PEAR1: variants seen among roughly 807,000 people sequenced by gnomAD.
PEAR1 encodes multiple EGF-like domains protein 12.
In PEAR1, 113 loss-of-function variants were observed where a neutral mutation model predicts 131.2. The observed-to-expected ratio is 0.86, with a 90% CI of 0.74 to 1.01. PEAR1 has a LOEUF of 1.01. PEAR1 is among the 50% of genes least tolerant of loss of function. PEAR1 has a pLI of 0.00. For synonymous variants in PEAR1, 565 were observed against 523.3 expected, an observed-to-expected ratio of 1.08 and a Z score of -1.09; for missense variants, 1,408 against 1,391.1, an observed-to-expected ratio of 1.01 and a Z score of -0.19.
Position 156,901,857 on chromosome 1 carries a change from T to C in PEAR1, c.-9-2061T>C, listed in dbSNP as rs180861361. Among the ~76,000 whole-genome samples, 115 of 133,268 alleles carry C rather than the reference T, an allele frequency of 8.6e-4. No individual in the cohort carries two copies. In the East Asian group the frequency reaches 0.029, roughly 34 times the overall value. The allele number at this position is 133,268 out of a possible 152,430, so 87.4% of individuals were successfully genotyped here. Reference sequence around the variant, plus strand: ...GGAGTGGGCATTGGGCCTGGGAAGATGGCTGGAGCAGGGCAGGGTGGGAGG... The same window carrying C: ...GGAGTGGGCATTGGGCCTGGGAAGACGGCTGGAGCAGGGCAGGGTGGGAGG... On this transcript the variant is annotated intron_variant, in intron 1 of 22. Transcript: ENST00000292357.
chr1:156,898,193 G>A (rs1022850851), intron 1 of PEAR1, among the ~76,000 whole-genome samples: 2 of 152,274 alleles, frequency 1.3e-5, no homozygotes, highest in South Asian at 2.1e-4. Context: ...CCAGGGTGGC[G>A]GCGAGGGTTG....
At chr1:156,909,110 G>C in intron 11 of PEAR1, 74 bp downstream of exon 11, 1 of 1,592,916 alleles carries the variant, frequency 6.3e-7, no homozygotes, top group Non-Finnish European at 8.5e-7. Flanking sequence ...CAAGAGTATG[G>C]GTGGGCCAAG....
Position 156,905,420 on chromosome 1 carries a change from T to C in PEAR1, c.303T>C (p.Cys101=). The C allele has an allele frequency of 6.2e-7, 1 of 1,602,170 alleles. No homozygotes were observed. The highest frequency in any genetic ancestry group is 8.5e-7 in the Non-Finnish European group (1 of 1,174,420). The change falls in exon 4 of 23, where the codon TGT becomes TGC. Residue 101 remains cysteine (C), a synonymous_variant. Coordinates refer to ENST00000292357, the MANE Select transcript of PEAR1 (RefSeq NM_001080471.3). ...CHGFYESRGF[C]VPLCAQECVH... ...GCTTCTATGAGAGCAGGGGGTTCTGTGTCCGTGAGTCCAGGGTTGGGTTAG... is the reference window on the plus strand; with the variant it reads ...GCTTCTATGAGAGCAGGGGGTTCTGCGTCCGTGAGTCCAGGGTTGGGTTAG...
chr1:156,914,569 GGA>G, intron 22 of PEAR1, 76 bp from the exon 23 acceptor site: 3 of 1,416,236 alleles, frequency 2.1e-6, no homozygotes, highest in Middle Eastern at 1.8e-4. Flanking sequence ...GAAGAGGAGA[GGA>G]GTGCAGTGGG....
rs1165512940 is a variant in PEAR1 at position 156,908,453 on chromosome 1, G to T, written c.1115+113G>T. On this transcript the variant is annotated intron_variant, in intron 9 of 22. Transcript: ENST00000292357. This position sits in a 1 kb window ranked among gnomAD's most constrained non-coding sequence, Gnocchi z 4.2. ...CAAGGGGGACAGGTGTCACAGAAGG[G>T]GAAAGGGAGGGACCTCAGGGGCCGG... 1 of 1,322,194 alleles carries T rather than the reference G, an allele frequency of 7.6e-7. No individual in the cohort carries two copies. The allele number at this position is 1,322,194 out of a possible 1,614,324, so 81.9% of individuals were successfully genotyped here.
At chr1:156,901,699 A>T (rs1649696702) in intron 1 of PEAR1, among the ~76,000 whole-genome samples, 1 of 152,154 alleles carries the variant, frequency 6.6e-6, no homozygotes, top group Non-Finnish European at 1.5e-5. Flanking sequence ...GTCAGGGAAG[A>T]GGGGAGTGTG....
rs755671350 is a variant in PEAR1 at position 156,904,919 on chromosome 1, C to T, written c.206+67C>T. 4.6e-5 allele frequency: 73 copies of T among 1,602,846 alleles called. 1 individual carries two copies. The highest frequency in any genetic ancestry group is 1.9e-4 in the Admixed American group (11 of 58,158). ...GTCGCTGCCTCAGCCTGGCCCCTGGCCCTCTGTACCTGTTCACTTCTCAGA... is the reference window on the plus strand; with the variant it reads ...GTCGCTGCCTCAGCCTGGCCCCTGGTCCTCTGTACCTGTTCACTTCTCAGA... On this transcript the variant is annotated intron_variant, in intron 3 of 22. Transcript: ENST00000292357.
chr1:156,912,394 C>A lies in PEAR1; in HGVS notation c.2080+19C>A. 6.2e-7 allele frequency: 1 copy of A among 1,608,674 alleles called. No homozygotes were observed. Among genetic ancestry groups the A allele is most frequent in the Non-Finnish European group, 8.5e-7 (1 of 1,177,688 alleles). The stretch of plus-strand genomic sequence containing the variant: ...TTAGAAGGTACCAACAGAAGGGGAA[C>A]TCCAGGCCCCTGCCTCCAACTTAAC... On this transcript the variant is annotated intron_variant, in intron 16 of 22. Coordinates refer to ENST00000292357, the MANE Select transcript of PEAR1 (RefSeq NM_001080471.3).
intron 1 of PEAR1, among the ~76,000 whole-genome samples, chr1:156,897,974 C>T (rs1342972214): frequency 2.0e-5 from 3 of 152,144 alleles, no homozygotes; most frequent in Admixed American, 6.5e-5. Context: ...AAGGTAATCT[C>T]GGGGTGGCGA....
In PEAR1 at chr1:156,914,101, G is replaced by A; in HGVS notation, c.2962+1G>A. The stretch of plus-strand genomic sequence containing the variant: ...GAGCAGCCCAGCCCCCTGATCCATG[G>A]TGAGCCCTCCCTCTCCACTGGCAGG... On this transcript the variant is annotated splice_donor_variant, in intron 22 of 22. Transcript: ENST00000292357. LOFTEE classifies it high-confidence loss of function. 1.3e-6 allele frequency: 2 copies of A among 1,587,584 alleles called. No individual in the cohort carries two copies. Among genetic ancestry groups the A allele is most frequent in the Non-Finnish European group, 1.7e-6 (2 of 1,166,160 alleles).
chr1:156,911,221 CTTTCTTTCTTTCT>C (rs1651155972), intron 15 of PEAR1, among the ~76,000 whole-genome samples: 2 of 103,598 alleles, frequency 1.9e-5, no homozygotes, highest in African/African-American at 3.9e-5. Flanking sequence ...TCTTTCTTTC[CTTTCTTTCTTTCT>C]TTTCTTTCTT....
chr1:156,909,691 G>A (rs1650815144), intron 11 of PEAR1, 60 bp from the exon 12 acceptor site: 7 of 1,542,462 alleles, frequency 4.5e-6, no homozygotes, highest in African/African-American at 1.4e-5. Context: ...AGCTCCCACT[G>A]TGTGCTTGCT....
chr1:156,898,932 G>T lies in PEAR1; in HGVS notation c.-9-4986G>T, dbSNP rs2102965334. Among the ~76,000 whole-genome samples the T allele has an allele frequency of 1.3e-5, 2 of 152,358 alleles. 1 individual carries two copies. The highest frequency in any genetic ancestry group is 1.3e-4 in the Admixed American group (2 of 15,312). ...TGAAGGAAGGGGATGGGGAAAGGCA[G>T]ATAGCAGAGTTTCTGATGAAGAACA... On this transcript the variant is annotated intron_variant, in intron 1 of 22. Transcript: ENST00000292357.
chr1:156,914,944 A>C lies in PEAR1; in HGVS notation c.*146A>C. ...AACGCTTAACAGAGCAAGTGATGGGAGCCTTGTTCCTGGGTTCTACCATGG... is the reference window on the plus strand; with the variant it reads ...AACGCTTAACAGAGCAAGTGATGGGCGCCTTGTTCCTGGGTTCTACCATGG... On this transcript the variant is annotated 3_prime_UTR_variant, in exon 23 of 23. Coordinates refer to ENST00000292357, the MANE Select transcript of PEAR1 (RefSeq NM_001080471.3). The C allele has an allele frequency of 1.1e-6, 1 of 897,492 alleles. No individual in the cohort carries two copies. The highest frequency in any genetic ancestry group is 1.6e-6 in the Non-Finnish European group (1 of 629,820). 55.6% of individuals were successfully genotyped at this position (897,492 alleles called of 1,614,324 possible).
chr1:156,903,229 C>T (rs1019466436), intron 1 of PEAR1, among the ~76,000 whole-genome samples: 3 of 152,164 alleles, frequency 2.0e-5, no homozygotes, highest in Non-Finnish European at 4.4e-5. Flanking sequence ...CCCAGCCCCA[C>T]TCCCACCATA....
rs934484546 is a variant in PEAR1, at chr1:156,912,533, C to T, written c.2120C>T (p.Pro707Leu). The change falls in exon 17 of 23, where the codon CCA becomes CTA. Residue 707 changes from proline (P) to leucine (L), a missense_variant. Transcript: ENST00000292357. ...ACATTTGGTGCTAACTGCTCCCAGC[C>T]ATGCCAGTGTGGTCCTGGAGAAAAG... ...LGTFGANCSQ[P>L]CQCGPGEKCH... is the part of the protein sequence containing the mutation. 1 of 1,613,946 alleles carries T rather than the reference C, an allele frequency of 6.2e-7. No individual in the cohort carries two copies. Among genetic ancestry groups the T allele is most frequent in the Non-Finnish European group, 8.5e-7 (1 of 1,180,020 alleles).
chr1:156,913,957 A>G lies in PEAR1; in HGVS notation c.2819A>G (p.Glu940Gly). ...CCCAGCTTGCCAGGGGGCCCCCGGG[A>G]GAGCAGCTACATGGAGATGAAAGGC... ...DLPSLPGGPR[E>G]SSYMEMKGPP... The change falls in exon 22 of 23, where the codon GAG becomes GGG. Residue 940 changes from glutamate to glycine, a missense_variant. Physicochemically the swap from Glu to Gly is moderately conservative, Grantham distance 98. Coordinates refer to ENST00000292357, the MANE Select transcript of PEAR1 (RefSeq NM_001080471.3). 6.2e-7 allele frequency: 1 copy of G among 1,613,988 alleles called. No homozygotes were observed. Among genetic ancestry groups the G allele is most frequent in the Non-Finnish European group, 8.5e-7 (1 of 1,179,994 alleles).
chr1:156,905,051 G>C (rs542459667), intron 3 of PEAR1, 199 bp downstream of exon 3: 13 of 1,467,338 alleles, frequency 8.9e-6, no homozygotes, highest in Non-Finnish European at 1.2e-5. Flanking sequence ...TTTAGGGTAC[G>C]CATGCATGTT....
Position 156,914,733 on chromosome 1 carries a change from G to A in PEAR1, c.3049G>A (p.Gly1017Arg). ...CTCACCCAAGAACAGCCACATCCCT[G>A]GACATTATGACTTGCCTCCAGTACG... ...YDSPKNSHIPGHYDLPPVRHP... is the reference protein window; with the variant it reads ...YDSPKNSHIPRHYDLPPVRHP... Residue 1017 changes from glycine (G) to arginine (R), a missense_variant, in exon 23 of 23, where the codon GGA becomes AGA. Gly to Arg is a moderately radical substitution (Grantham distance 125). Coordinates refer to ENST00000292357, the MANE Select transcript of PEAR1 (RefSeq NM_001080471.3). The A allele has an allele frequency of 6.2e-7, 1 of 1,614,034 alleles. No individual in the cohort carries two copies. The highest frequency in any genetic ancestry group is 8.5e-7 in the Non-Finnish European group (1 of 1,179,948).
Sources: allele counts gnomAD v4.1 joint callset (sites outside exome capture counted in the v4.1 genomes callset), GRCh38; gene constraint gnomAD v4.1.1; non-coding constraint Gnocchi (gnomAD v3.1); transcripts MANE v1.5; gene names NCBI Gene and HGNC (gene_info 2026-07-23, HGNC 2026-07-21).